Variants in CDK15 observed in about 807,000 individuals in gnomAD.
CDK15 encodes cyclin dependent kinase 15.
CDK15 carries 62 observed loss-of-function variants against 60.3 expected under a neutral mutation model. That is an observed-to-expected ratio of 1.03 (90% CI 0.84 to 1.27). CDK15 has a LOEUF of 1.27. Ranked by LOEUF, CDK15 falls within the 50% of genes most tolerant of loss-of-function variation. CDK15 has a pLI of 0.00. For missense variants in CDK15, 541 were observed against 527.8 expected, an observed-to-expected ratio of 1.03 and a Z score of -0.25; for synonymous variants, 194 against 195.7, an observed-to-expected ratio of 0.99 and a Z score of 0.07.
chr2:201,863,989 G>T (rs1327641613), intron 10 of CDK15, among the ~76,000 whole-genome samples: 1 of 152,140 alleles, frequency 6.6e-6, no homozygotes, highest in African/African-American at 2.4e-5. Context: ...TTAAAGTAAG[G>T]TTTAATATAT....
At position 201,823,671 on chromosome 2, in the gene CDK15, G is replaced by C. The variant is rs766563923; in HGVS notation, c.550G>C (p.Asp184His). Residue 184 changes from aspartate to histidine, a missense_variant, in exon 6 of 14, where the codon GAC becomes CAC. Physicochemically the swap from Asp to His is moderately conservative, Grantham distance 81. Transcript: ENST00000652192. The stretch of plus-strand genomic sequence containing the variant: ...TCTCCGCTGTTTTATTTAGCACACA[G>C]ACCTGGCCCAGTATATGTCTCAGCA... ...LTFVFEYMHT[D>H]LAQYMSQHPG... 1.7e-5 allele frequency: 28 copies of C among 1,613,606 alleles called. No individual in the cohort carries two copies. The South Asian group carries it at 2.7e-4, about 16-fold the overall frequency.
chr2:201,807,051 C>T (rs1349580639), intron 1 of CDK15, among the ~76,000 whole-genome samples: 2 of 152,168 alleles, frequency 1.3e-5, no homozygotes, highest in Admixed American at 1.3e-4. Context: ...CTCAAAATCT[C>T]TAAGGTCCTA....
intron 6 of CDK15, among the ~76,000 whole-genome samples, chr2:201,825,573 T>C (rs903341893): frequency 4.6e-5 from 7 of 151,992 alleles, no homozygotes; most frequent in Admixed American, 1.3e-4. Flanking sequence ...AGAAATCAAA[T>C]AGGAATGTTT....
intron 10 of CDK15, among the ~76,000 whole-genome samples, chr2:201,858,922 C>T (rs759361215): frequency 4.6e-5 from 7 of 152,108 alleles, no homozygotes; most frequent in Non-Finnish European, 7.4e-5. Flanking sequence ...TTGACTCAGC[C>T]GCCAGAACAC....
At chr2:201,818,095 T>G (rs966575947) in intron 4 of CDK15, among the ~76,000 whole-genome samples, 4 of 152,218 alleles carry the variant, frequency 2.6e-5, no homozygotes, top group African/African-American at 9.7e-5. Flanking sequence ...CCTCATAAAC[T>G]CATTACAATT....
intron 8 of CDK15, among the ~76,000 whole-genome samples, chr2:201,846,517 G>A (rs1013870412): frequency 3.3e-5 from 5 of 150,410 alleles, no homozygotes; most frequent in African/African-American, 4.9e-5. Context: ...TTGCAGAATT[G>A]GTGTCAGCGA....
At chr2:201,854,603 G>A (rs1698060978) in intron 9 of CDK15, among the ~76,000 whole-genome samples, 2 of 152,198 alleles carry the variant, frequency 1.3e-5, no homozygotes, top group South Asian at 4.1e-4. Flanking sequence ...ACATGACTTT[G>A]AGCAAGGCTG....
rs1182989704 is a variant in CDK15, at chr2:201,870,953, C to G, written c.1010-1325C>G. 2.6e-5 allele frequency among the ~76,000 whole-genome samples: 4 copies of G among 152,236 alleles called. No individual in the cohort carries two copies. In the East Asian group the frequency reaches 7.7e-4, roughly 29 times the overall value. On this transcript the variant is annotated intron_variant, in intron 10 of 13. Coordinates refer to ENST00000652192, the MANE Select transcript of CDK15 (RefSeq NM_001366386.2). ...AGTATTTCTTGAGTGAATGAGAAAT[C>G]ATTCCCTTTTAGGATGGTTTTTGTT...
At chr2:201,877,177 C>T (rs187627376) in intron 11 of CDK15, among the ~76,000 whole-genome samples, 63 of 152,210 alleles carry the variant, frequency 4.1e-4, no homozygotes, top group Non-Finnish European at 4.4e-5. Context: ...TCCCCAGACA[C>T]TCTACACAAA....
intron 10 of CDK15, among the ~76,000 whole-genome samples, chr2:201,866,355 G>A (rs1698633924): frequency 6.6e-6 from 1 of 152,066 alleles, no homozygotes; most frequent in Non-Finnish European, 1.5e-5. Flanking sequence ...TGTTGACTAA[G>A]GTTACCAGAT....
intron 9 of CDK15, among the ~76,000 whole-genome samples, chr2:201,848,388 T>TA (rs1275708969): frequency 6.6e-6 from 1 of 152,078 alleles, no homozygotes; most frequent in Non-Finnish European, 1.5e-5. Context: ...TGTGGTAAAA[T>TA]ATACAAAACA....
At chr2:201,890,712 C>T in intron 12 of CDK15, 73 bp from the exon 13 acceptor site, 10 of 1,211,682 alleles carry the variant, frequency 8.3e-6, no homozygotes, top group Non-Finnish European at 1.2e-5. Context: ...GCAAATATTA[C>T]AACAGACAAA....
intron 8 of CDK15, among the ~76,000 whole-genome samples, chr2:201,838,977 G>A (rs888826839): frequency 6.6e-6 from 1 of 151,424 alleles, no homozygotes; most frequent in Non-Finnish European, 1.5e-5. Flanking sequence ...AGTCTCGCTC[G>A]TCGCCCAGGC....
chr2:201,828,689 C>T (rs1196712787), intron 6 of CDK15, among the ~76,000 whole-genome samples: 5 of 152,238 alleles, frequency 3.3e-5, no homozygotes, highest in East Asian at 3.9e-4. Flanking sequence ...GTGGAGGCAT[C>T]AGTGAATGTG....
At chr2:201,866,405 G>GA (rs1698635553) in intron 10 of CDK15, among the ~76,000 whole-genome samples, 1 of 152,132 alleles carries the variant, frequency 6.6e-6, no homozygotes, top group Admixed American at 6.5e-5. Flanking sequence ...AAATATTTAT[G>GA]AAAAATGGAC....
At chr2:201,889,049 T>C in intron 12 of CDK15, 1 of 985,438 alleles carries the variant, frequency 1.0e-6, no homozygotes, top group Non-Finnish European at 1.2e-6. Flanking sequence ...CTATTTGGAA[T>C]ATGCGATTCC....
chr2:201,845,845 A>AAGAG lies in CDK15; in HGVS notation c.852-1518_852-1515dup, dbSNP rs71407901. On this transcript the variant is annotated intron_variant, in intron 8 of 13. Coordinates refer to ENST00000652192, the MANE Select transcript of CDK15 (RefSeq NM_001366386.2). ...AAGAGGTTTGCGGTTAAAAAAAAAA[A>AAGAG]AGAGAGAGAGAGAGAGAGAGAAGTA... Among the ~76,000 whole-genome samples the AAGAG allele has an allele frequency of 1.3e-4, 12 of 92,066 alleles. No homozygotes were observed. In the East Asian group the frequency reaches 1.8e-3, roughly 14 times the overall value. The allele number at this position is 92,066 out of a possible 152,430, so 60.4% of individuals were successfully genotyped here.
chr2:201,892,661 G>C (rs1322776424), intron 13 of CDK15, among the ~76,000 whole-genome samples: 1 of 152,220 alleles, frequency 6.6e-6, no homozygotes, highest in Non-Finnish European at 1.5e-5. Context: ...TGAGCCACAA[G>C]AGGGAAAAGC....
intron 8 of CDK15, among the ~76,000 whole-genome samples, chr2:201,838,250 G>T (rs1697213977): frequency 6.6e-6 from 1 of 152,028 alleles, no homozygotes; most frequent in African/African-American, 2.4e-5. Context: ...TTTCACAGCT[G>T]GGGGTGGGGT....
Sources: gnomAD v4.1 joint callset for allele counts (sites outside exome capture counted in the v4.1 genomes callset) on GRCh38, gnomAD v4.1.1 for gene constraint, MANE v1.5 for transcripts, NCBI Gene and HGNC (gene_info 2026-07-23, HGNC 2026-07-21) for gene names.